Variants in LARGE1 observed in about 807,000 individuals in gnomAD.
LARGE1 encodes the protein xylosyl- and glucuronyltransferase LARGE1.
A neutral mutation model predicts 87.6 loss-of-function variants in LARGE1; 43 were observed. That is an observed-to-expected ratio of 0.49 (90% CI 0.38 to 0.63). The LOEUF (loss-of-function observed/expected upper bound fraction) is 0.63. Among genes scored for constraint, LARGE1 ranks in the 30% least tolerant of loss-of-function variants. The pLI, the probability that LARGE1 is intolerant of heterozygous loss-of-function variation, is 0.00. For missense variants in LARGE1, 802 were observed against 1,000.2 expected (o/e 0.80, Z 2.67); for synonymous variants, 434 against 394.6 (o/e 1.10, Z -1.18).
intron 9 of LARGE1, among the ~76,000 whole-genome samples, chr22:33,367,855 T>C (rs2064654375): frequency 6.6e-6 from 1 of 152,228 alleles, no homozygotes; most frequent in Non-Finnish European, 1.5e-5. Context: ...TTTATCCCAC[T>C]AATTTTGACA....
In LARGE1 at chr22:33,686,028, G is replaced by A. The variant is rs529566374; in HGVS notation, c.107-35360C>T. ...GAATTCATTTATGGTAGTATTTATC[G>A]ACTCATCTATCTATACAGAGTGCAT... On this transcript the variant is annotated intron_variant, in intron 2 of 14. Coordinates refer to ENST00000397394, the MANE Select transcript of LARGE1 (RefSeq NM_133642.5). Among the ~76,000 whole-genome samples, 20 of 152,200 alleles carry A rather than the reference G, an allele frequency of 1.3e-4. No individual in the cohort carries two copies. In the South Asian group the frequency reaches 3.7e-3, roughly 28 times the overall value.
At chr22:33,710,222 G>C (rs1243263550) in intron 2 of LARGE1, among the ~76,000 whole-genome samples, 2 of 151,694 alleles carry the variant, frequency 1.3e-5, no homozygotes, top group African/African-American at 4.8e-5. Flanking sequence ...TAAGAATGCA[G>C]AATAATGTAA....
At chr22:33,363,037 C>T (rs932501782) in intron 9 of LARGE1, among the ~76,000 whole-genome samples, 3 of 150,108 alleles carry the variant, frequency 2.0e-5, no homozygotes, top group East Asian at 1.9e-4. Context: ...TTATGATTCT[C>T]GCTTTAAATG....
chr22:33,557,718 A>C (rs2077734248), intron 6 of LARGE1, among the ~76,000 whole-genome samples: 1 of 152,148 alleles, frequency 6.6e-6, no homozygotes, highest in Non-Finnish European at 1.5e-5. Flanking sequence ...GGTGACTGCC[A>C]CCATGCCTGG....
chr22:33,623,532 A>C (rs1437000151), intron 4 of LARGE1, among the ~76,000 whole-genome samples: 2 of 152,128 alleles, frequency 1.3e-5, no homozygotes, highest in African/African-American at 4.8e-5. Context: ...TTCTCCATTC[A>C]GGATGGGCAG....
intron 2 of LARGE1, among the ~76,000 whole-genome samples, chr22:33,657,416 A>G (rs1569348069): frequency 6.6e-6 from 1 of 152,196 alleles, no homozygotes; most frequent in East Asian, 1.9e-4. Context: ...ATCCTAAAAC[A>G]GGGGTCATCA....
chr22:33,654,545 T>C (rs948980049), intron 2 of LARGE1, among the ~76,000 whole-genome samples: 2 of 152,186 alleles, frequency 1.3e-5, no homozygotes, highest in African/African-American at 4.8e-5. Context: ...TATTCCTGAC[T>C]ATTCCTTTTT....
At chr22:33,857,715 G>GA (rs2063794845) in intron 1 of LARGE1, among the ~76,000 whole-genome samples, 1 of 152,278 alleles carries the variant, frequency 6.6e-6, no homozygotes, top group East Asian at 1.9e-4. Context: ...CTGGGCTTGA[G>GA]AAAAAATGAC....
At chr22:33,076,054 A>G in the LARGE1 span, among the ~76,000 whole-genome samples, 1 of 152,218 alleles carries the variant, frequency 6.6e-6, no homozygotes, top group African/African-American at 2.4e-5. Context: ...AAAGAAATTC[A>G]GTGTCTAAGG....
At chr22:33,921,973 G>T (rs952144820), upstream of LARGE1, among the ~76,000 whole-genome samples, 6 of 152,134 alleles carry the variant, frequency 3.9e-5, no homozygotes, top group Middle Eastern at 3.4e-3. The surrounding 1 kb of genome is among the most constrained non-coding windows in gnomAD (Gnocchi z 4.1). Flanking sequence ...TGCACAACTC[G>T]GACTCGGAGA....
chr22:33,555,026 T>C (rs976140511), intron 6 of LARGE1, among the ~76,000 whole-genome samples: 3 of 152,212 alleles, frequency 2.0e-5, no homozygotes, highest in African/African-American at 4.8e-5. Context: ...CAACCTGGAC[T>C]GAAAATATTT....
At chr22:33,750,532 T>C (rs920971685) in intron 2 of LARGE1, 1 of 152,168 alleles carries the variant, frequency 6.6e-6, no homozygotes, top group Non-Finnish European at 1.5e-5. Context: ...GTTTAAATAG[T>C]ACATTTCCTT....
At chr22:33,268,281 C>T (rs16992024), downstream of LARGE1, among the ~76,000 whole-genome samples, 312 of 150,574 alleles carry the variant, frequency 2.1e-3, 3 homozygotes, top group East Asian at 0.045. Flanking sequence ...CTTACATCGC[C>T]GTTTTGATGT....
At chr22:33,636,928 A>G (rs1476001383) in intron 3 of LARGE1, among the ~76,000 whole-genome samples, 2 of 152,202 alleles carry the variant, frequency 1.3e-5, no homozygotes, top group Non-Finnish European at 2.9e-5. Context: ...ATCAGCAATC[A>G]TCAATAATAA....
chr22:33,280,722 C>A (rs1238883296), intron 13 of LARGE1, among the ~76,000 whole-genome samples: 1 of 152,102 alleles, frequency 6.6e-6, no homozygotes, highest in Non-Finnish European at 1.5e-5. Flanking sequence ...TCCTTCCCTG[C>A]TAAAAAAGGG....
intron 2 of LARGE1, among the ~76,000 whole-genome samples, chr22:33,709,379 A>G (rs2082658292): frequency 6.6e-6 from 1 of 152,188 alleles, no homozygotes; most frequent in Non-Finnish European, 1.5e-5. Context: ...AAAGCTGAGG[A>G]AGGTGAAGGA....
chr22:33,493,040 T>C (rs1053643481), intron 6 of LARGE1, among the ~76,000 whole-genome samples: 1 of 152,122 alleles, frequency 6.6e-6, no homozygotes, highest in African/African-American at 2.4e-5. Context: ...GTTTAATGCC[T>C]GTGTAAGTGA....
intron 6 of LARGE1, among the ~76,000 whole-genome samples, chr22:33,507,444 T>TA (rs1023986898): frequency 1.3e-4 from 19 of 150,650 alleles, no homozygotes; most frequent in Admixed American, 5.3e-4. Flanking sequence ...AGACATACAC[T>TA]AAAAAAAAAC....
At chr22:33,790,729 G>C (rs1036497400) in intron 1 of LARGE1, among the ~76,000 whole-genome samples, 1 of 152,100 alleles carries the variant, frequency 6.6e-6, no homozygotes, top group Non-Finnish European at 1.5e-5. Context: ...TATCCTACCT[G>C]TCACAAAGAT....
Sources: allele counts gnomAD v4.1 joint callset (sites outside exome capture counted in the v4.1 genomes callset), GRCh38; gene constraint gnomAD v4.1.1; non-coding constraint Gnocchi (gnomAD v3.1); transcripts MANE v1.5; gene names NCBI Gene and HGNC (gene_info 2026-07-23, HGNC 2026-07-21).